Variants in SLC25A26 observed in about 807,000 individuals in gnomAD.
The protein encoded by SLC25A26 is solute carrier family 25 member 26.
In SLC25A26, 36 loss-of-function variants were observed where a neutral mutation model predicts 37.8. That is an observed-to-expected ratio of 0.95 (90% CI 0.73 to 1.26). The LOEUF (loss-of-function observed/expected upper bound fraction) is 1.26. SLC25A26 is among the 50% of genes most tolerant of loss of function. The probability of loss-of-function intolerance (pLI) is 0.00; values close to 1 mark genes in which losing one functional copy is unlikely to be tolerated. For missense variants in SLC25A26, 390 were observed against 331.1 expected, an observed-to-expected ratio of 1.18 and a Z score of -1.38; for synonymous variants, 129 against 122.5, an observed-to-expected ratio of 1.05 and a Z score of -0.35.
At chr3:66,286,718 C>T (rs2107482353) in intron 5 of SLC25A26, among the ~76,000 whole-genome samples, 1 of 152,200 alleles carries the variant, frequency 6.6e-6, no homozygotes, top group South Asian at 2.1e-4. Flanking sequence ...GTTGCTCTGC[C>T]ACCAAGGCTG....
At chr3:66,278,324 A>T (rs2074225150) in intron 5 of SLC25A26, among the ~76,000 whole-genome samples, 1 of 152,166 alleles carries the variant, frequency 6.6e-6, no homozygotes, top group African/African-American at 2.4e-5. Flanking sequence ...ACTTGTATTA[A>T]AATAATATAT....
chr3:66,167,077 C>T (rs2070434867), intron 1 of SLC25A26, among the ~76,000 whole-genome samples: 1 of 152,194 alleles, frequency 6.6e-6, no homozygotes, highest in Non-Finnish European at 1.5e-5. Flanking sequence ...TCCCCAGCCA[C>T]GTGGAGCTGT....
chr3:66,228,395 A>G (rs1007175690), intron 1 of SLC25A26, among the ~76,000 whole-genome samples: 11 of 152,210 alleles, frequency 7.2e-5, no homozygotes, highest in African/African-American at 2.7e-4. Context: ...TCCAAACCCT[A>G]CTACTACATG....
chr3:66,295,741 G>C (rs556467292), intron 5 of SLC25A26, among the ~76,000 whole-genome samples: 2 of 151,278 alleles, frequency 1.3e-5, no homozygotes, highest in African/African-American at 4.9e-5. Context: ...CTCGTGATCC[G>C]CCTGCCTTGG....
intron 9 of SLC25A26, among the ~76,000 whole-genome samples, chr3:66,374,878 CA>C (rs56225849): frequency 4.6e-4 from 67 of 146,644 alleles, no homozygotes; most frequent in African/African-American, 1.0e-3. Flanking sequence ...GACCCTATCT[CA>C]AAAAAAAAAA....
chr3:66,312,894 A>G (rs1449312716), intron 5 of SLC25A26, among the ~76,000 whole-genome samples: 3 of 151,612 alleles, frequency 2.0e-5, no homozygotes, highest in Non-Finnish European at 4.4e-5. Context: ...GAAATCACCC[A>G]CCTTCTGTTA....
intron 5 of SLC25A26, among the ~76,000 whole-genome samples, chr3:66,343,977 G>T (rs1006078257): frequency 2.0e-5 from 3 of 152,178 alleles, no homozygotes; most frequent in South Asian, 2.1e-4. Context: ...CGACATTCGG[G>T]GGGGCTGGCT....
chr3:66,365,978 CTT>C (rs1559743084), intron 7 of SLC25A26, among the ~76,000 whole-genome samples: 1 of 152,178 alleles, frequency 6.6e-6, no homozygotes, highest in Non-Finnish European at 1.5e-5. Context: ...CAGCTCCAGC[CTT>C]ATTGTAGGAA....
chr3:66,214,762 T>C (rs1046362374), intron 1 of SLC25A26, among the ~76,000 whole-genome samples: 1 of 152,244 alleles, frequency 6.6e-6, no homozygotes, highest in Admixed American at 6.5e-5. Flanking sequence ...TTTTAATTTT[T>C]AATAACAAAG....
At chr3:66,357,400 C>CT (rs2076601488) in intron 6 of SLC25A26, among the ~76,000 whole-genome samples, 1 of 152,180 alleles carries the variant, frequency 6.6e-6, no homozygotes, top group Non-Finnish European at 1.5e-5. Context: ...GGTAACAGAA[C>CT]AAGATCCTGT....
intron 5 of SLC25A26, among the ~76,000 whole-genome samples, chr3:66,283,188 A>G (rs772630558): frequency 1.5e-4 from 23 of 152,132 alleles, no homozygotes; most frequent in South Asian, 2.1e-4. Context: ...TGTGAACATC[A>G]TTTTCATTTT....
At chr3:66,226,779 T>C (rs1320379522) in intron 1 of SLC25A26, among the ~76,000 whole-genome samples, 1 of 115,130 alleles carries the variant, frequency 8.7e-6, no homozygotes, top group African/African-American at 2.5e-5. Flanking sequence ...TCTTACAGTT[T>C]TTAGAAAATT....
chr3:66,230,626 A>T (rs2071969662), intron 1 of SLC25A26, among the ~76,000 whole-genome samples: 1 of 151,606 alleles, frequency 6.6e-6, no homozygotes, highest in Middle Eastern at 3.2e-3. Context: ...CAACATGGAG[A>T]AACCCTGTCT....
intron 6 of SLC25A26, 78 bp downstream of exon 6, chr3:66,346,486 ATAATGTT>A: frequency 1.6e-5 from 8 of 493,454 alleles, no homozygotes; most frequent in Non-Finnish European, 2.5e-5. Flanking sequence ...AGAGTAGAAC[ATAATGTT>A]GACTAGAAGT....
chr3:66,209,922 A>T (rs1225006865), intron 1 of SLC25A26, among the ~76,000 whole-genome samples: 3 of 68,298 alleles, frequency 4.4e-5, no homozygotes, highest in African/African-American at 2.1e-4. Context: ...ATATATATAT[A>T]TATATATATA....
intron 6 of SLC25A26, among the ~76,000 whole-genome samples, chr3:66,346,717 T>TGC (rs1200634891): frequency 2.1e-4 from 6 of 28,414 alleles, no homozygotes; most frequent in African/African-American, 8.8e-4. Flanking sequence ...GCTGTGTGCG[T>TGC]GTGTGTGTGT....
intron 1 of SLC25A26, among the ~76,000 whole-genome samples, chr3:66,150,601 G>GAT (rs2070188780): frequency 4.9e-5 from 2 of 40,838 alleles, no homozygotes; most frequent in African/African-American, 9.1e-5. Flanking sequence ...TATATGTAAT[G>GAT]AGATATATAT....
At chr3:66,299,686 C>G (rs2075015167) in intron 5 of SLC25A26, among the ~76,000 whole-genome samples, 1 of 152,082 alleles carries the variant, frequency 6.6e-6, no homozygotes, top group African/African-American at 2.4e-5. Flanking sequence ...TATAGAGTAA[C>G]AGTTAAATGT....
chr3:66,235,945 T>C (rs954421115), intron 1 of SLC25A26, among the ~76,000 whole-genome samples: 1 of 152,226 alleles, frequency 6.6e-6, no homozygotes, highest in Non-Finnish European at 1.5e-5. Flanking sequence ...AGGGTCTTGC[T>C]CTGTCACCTG....
Sources: allele counts gnomAD v4.1 joint callset (sites outside exome capture counted in the v4.1 genomes callset), GRCh38; gene constraint gnomAD v4.1.1; transcripts MANE v1.5; gene names NCBI Gene and HGNC (gene_info 2026-07-23, HGNC 2026-07-21).